Variants in ST3GAL1 observed in about 807,000 individuals in gnomAD.
The protein encoded by ST3GAL1 is ST3 beta-galactoside alpha-2,3-sialyltransferase 1.
In ST3GAL1, 16 loss-of-function variants were observed where a neutral mutation model predicts 34.1. The ratio of observed to expected loss-of-function variants is 0.47; its 90% CI spans 0.32 to 0.71. ST3GAL1 has a LOEUF of 0.71. Among genes scored for constraint, ST3GAL1 ranks in the 30% least tolerant of loss-of-function variants. The pLI, the probability that ST3GAL1 is intolerant of heterozygous loss-of-function variation, is 0.04. For synonymous variants in ST3GAL1, 191 were observed against 184.7 expected (o/e 1.03, Z -0.28); for missense variants, 353 against 447.4 (o/e 0.79, Z 1.90).
At chr8:133,510,262 C>T (rs1032067091) in intron 2 of ST3GAL1, among the ~76,000 whole-genome samples, 1 of 152,138 alleles carries the variant, frequency 6.6e-6, no homozygotes, top group South Asian at 2.1e-4. Flanking sequence ...TGAACACCAG[C>T]TCCACTTCCC....
At position 133,475,739 on chromosome 8, in the gene ST3GAL1, C is replaced by A; in HGVS notation, c.286G>T (p.Asp96Tyr). ...LTAQNALLED[D>Y]TYRWWLRLQR... is the part of the protein sequence containing the mutation. Reference sequence around the variant, plus strand: ...CTCACCAGCCACCATCGGTAGGTGTCGTCCTCCAAGAGCGCGTTCTGGGCG... The same window carrying A: ...CTCACCAGCCACCATCGGTAGGTGTAGTCCTCCAAGAGCGCGTTCTGGGCG... The change falls in exon 5 of 10, where the codon GAC becomes TAC. Residue 96 changes from aspartate (D) to tyrosine (Y), a missense_variant. Transcript: ENST00000522652. The A allele has an allele frequency of 6.2e-7, 1 of 1,602,460 alleles. No homozygotes were observed.
intron 6 of ST3GAL1, 37 bp from the exon 7 acceptor site, chr8:133,464,994 C>G (rs755518202): frequency 1.3e-6 from 2 of 1,582,322 alleles, no homozygotes; most frequent in Admixed American, 1.7e-5. Context: ...TCTTGTAGCA[C>G]GGGCACCCGT....
intron 3 of ST3GAL1, among the ~76,000 whole-genome samples, chr8:133,498,109 G>A (rs1817024206): frequency 6.6e-6 from 1 of 152,214 alleles, no homozygotes; most frequent in Non-Finnish European, 1.5e-5. Context: ...CTTGTTCTGT[G>A]GCATTCCCCT....
intron 2 of ST3GAL1, among the ~76,000 whole-genome samples, chr8:133,513,886 A>G (rs990545387): frequency 3.9e-5 from 6 of 152,012 alleles, no homozygotes; most frequent in Admixed American, 2.0e-4. Flanking sequence ...GTAACAGAGC[A>G]AGACTCTGTC....
Position 133,456,223 on chromosome 8 carries a change from T to C in ST3GAL1, c.*3541A>G, listed in dbSNP as rs891944444. 1 of 152,188 alleles carries C rather than the reference T, an allele frequency of 6.6e-6. No individual in the cohort carries two copies. Among genetic ancestry groups the C allele is most frequent in the African/African-American group, 2.4e-5 (1 of 41,446 alleles). 9.4% of individuals were successfully genotyped at this position (152,188 alleles called of 1,614,324 possible). ...CTGCCCTCCTTTCTCCCCTAAAAGG[T>C]GGCTGAGGGGAGGAGAGGTGCATGT... On this transcript the variant is annotated 3_prime_UTR_variant, in exon 10 of 10. Coordinates refer to ENST00000522652, the MANE Select transcript of ST3GAL1 (RefSeq NM_173344.3).
chr8:133,505,051 C>T (rs1329133843), intron 2 of ST3GAL1, among the ~76,000 whole-genome samples: 2 of 152,104 alleles, frequency 1.3e-5, no homozygotes, highest in Admixed American at 1.3e-4. Flanking sequence ...TGATGTAGTA[C>T]ATGTGAAACA....
chr8:133,477,143 T>A (rs1816210203), intron 3 of ST3GAL1, among the ~76,000 whole-genome samples: 2 of 152,178 alleles, frequency 1.3e-5, no homozygotes, highest in Non-Finnish European at 2.9e-5. Context: ...TTGGGAAAGT[T>A]ATTTGACCTT....
chr8:133,532,502 T>C (rs1412047589), intron 2 of ST3GAL1, among the ~76,000 whole-genome samples: 1 of 152,152 alleles, frequency 6.6e-6, no homozygotes, highest in Non-Finnish European at 1.5e-5. Flanking sequence ...AGATTCTTTA[T>C]TGTGATTTTT....
At chr8:133,479,673 G>T (rs948075529) in intron 3 of ST3GAL1, among the ~76,000 whole-genome samples, 6 of 152,120 alleles carry the variant, frequency 3.9e-5, no homozygotes, top group Admixed American at 3.9e-4. Flanking sequence ...CTAGGCTGCT[G>T]CTAGGGATGG....
intron 2 of ST3GAL1, among the ~76,000 whole-genome samples, chr8:133,540,902 T>TATAGACATATAA (rs1818472325): frequency 7.5e-6 from 1 of 133,898 alleles, no homozygotes; most frequent in Non-Finnish European, 1.5e-5. Context: ...TAGACATATA[T>TATAGACATATAA]ATAGACATAT....
chr8:133,531,341 A>G lies in ST3GAL1; in HGVS notation c.-429+14433T>C, dbSNP rs117120686. Among the ~76,000 whole-genome samples the G allele has an allele frequency of 7.4e-3, 1,120 of 152,310 alleles. 7 individuals are homozygous for G. The highest frequency in any genetic ancestry group is 0.011 in the Non-Finnish European group (775 of 68,030). ...TGTATGTATATAGTATGTATGTGAT[A>G]TGTGTGTGTAGCTATAGATACATAA... On this transcript the variant is annotated intron_variant, in intron 2 of 9. Coordinates refer to ENST00000522652, the MANE Select transcript of ST3GAL1 (RefSeq NM_173344.3).
intron 5 of ST3GAL1, among the ~76,000 whole-genome samples, chr8:133,473,389 C>A (rs763196441): frequency 2.6e-5 from 4 of 152,160 alleles, no homozygotes; most frequent in Admixed American, 6.5e-5. Flanking sequence ...CCAAGTTTCT[C>A]CTTTACCTGC....
chr8:133,491,511 G>T (rs1026055971), intron 3 of ST3GAL1, among the ~76,000 whole-genome samples: 1 of 152,256 alleles, frequency 6.6e-6, no homozygotes, highest in African/African-American at 2.4e-5. Flanking sequence ...AGGTGTGGCC[G>T]CTCTGGAGCC....
At chr8:133,526,232 C>A (rs1407366447) in intron 2 of ST3GAL1, among the ~76,000 whole-genome samples, 1 of 152,240 alleles carries the variant, frequency 6.6e-6, no homozygotes, top group Admixed American at 6.5e-5. Context: ...AACATGGCAA[C>A]TCTACCCATC....
chr8:133,557,279 G>C (rs766271128), intron 1 of ST3GAL1, among the ~76,000 whole-genome samples: 10 of 152,244 alleles, frequency 6.6e-5, no homozygotes, highest in Non-Finnish European at 1.5e-4. Context: ...TGTAAACACA[G>C]TGGAAGTCAT....
chr8:133,506,563 T>A (rs1366380617), intron 2 of ST3GAL1, among the ~76,000 whole-genome samples: 1 of 152,074 alleles, frequency 6.6e-6, no homozygotes, highest in Non-Finnish European at 1.5e-5. Flanking sequence ...GGTGGGCAGA[T>A]CACCAGAGGT....
At chr8:133,552,858 A>G (rs1445178689) in intron 1 of ST3GAL1, among the ~76,000 whole-genome samples, 1 of 152,220 alleles carries the variant, frequency 6.6e-6, no homozygotes, top group Non-Finnish European at 1.5e-5. Context: ...TGAGGCCAAC[A>G]GCACGCAAAG....
At chr8:133,557,237 G>A (rs1304494903) in intron 1 of ST3GAL1, among the ~76,000 whole-genome samples, 1 of 152,184 alleles carries the variant, frequency 6.6e-6, no homozygotes, top group Non-Finnish European at 1.5e-5. Context: ...TTGCTCACCG[G>A]GAGGTCTAAA....
In ST3GAL1 at chr8:133,508,262, C is replaced by T. The variant is rs560955282; in HGVS notation, c.-428-9073G>A. 2.6e-5 allele frequency among the ~76,000 whole-genome samples: 4 copies of T among 152,204 alleles called. No individual in the cohort carries two copies. Among genetic ancestry groups the T allele is most frequent in the Admixed American group, 6.5e-5 (1 of 15,280 alleles). ...GAACACGTTTCTTATGTGGAATTAT[C>T]GGATTCCTGTCTTTCCTTTCTGCTG... is the stretch of plus-strand genomic sequence containing the variant. On this transcript the variant is annotated intron_variant, in intron 2 of 9. Transcript: ENST00000522652. The surrounding 1 kb of genome is among the most constrained non-coding windows in gnomAD (Gnocchi z 4.1).
Sources: gnomAD v4.1 joint callset for allele counts (sites outside exome capture counted in the v4.1 genomes callset) on GRCh38, gnomAD v4.1.1 for gene constraint, Gnocchi (gnomAD v3.1) non-coding constraint, MANE v1.5 for transcripts, NCBI Gene and HGNC (gene_info 2026-07-23, HGNC 2026-07-21) for gene names.